Variants in ZNF8 observed in about 807,000 individuals in gnomAD.
The protein encoded by ZNF8 is zinc finger protein 272.
A neutral mutation model predicts 12.2 loss-of-function variants in ZNF8; 9 were observed. The ratio of observed to expected loss-of-function variants is 0.73; its 90% CI spans 0.44 to 1.28. The LOEUF (loss-of-function observed/expected upper bound fraction) is 1.28. Ranked by LOEUF, ZNF8 falls within the 50% of genes most tolerant of loss-of-function variation. ZNF8 has a pLI of 0.00. For synonymous variants in ZNF8, 274 were observed against 282.3 expected (o/e 0.97, Z 0.30); for missense variants, 664 against 729.1 (o/e 0.91, Z 1.03).
At chr19:58,282,300 A>G (rs2051355281) in intron 1 of ZNF8, among the ~76,000 whole-genome samples, 1 of 152,198 alleles carries the variant, frequency 6.6e-6, no homozygotes, top group Non-Finnish European at 1.5e-5. Flanking sequence ...CAAAGAAATA[A>G]CTATACAGAT....
chr19:58,293,007 G>A (rs1166805287), intron 3 of ZNF8, among the ~76,000 whole-genome samples: 1 of 151,566 alleles, frequency 6.6e-6, no homozygotes, highest in Non-Finnish European at 1.5e-5. Flanking sequence ...GGAGTGCAGT[G>A]GTGTGATTTT....
rs893834321 is a variant in ZNF8, at chr19:58,294,008, C to T, written c.290-90C>T. The T allele has an allele frequency of 8.0e-7, 1 of 1,248,338 alleles. No individual in the cohort carries two copies. The highest frequency in any genetic ancestry group is 1.5e-5 in the South Asian group (1 of 66,250). The allele number at this position is 1,248,338 out of a possible 1,614,324, so 77.3% of individuals were successfully genotyped here. A position where few individuals can be genotyped will look rare whatever the true frequency, so the allele number is the denominator to read the frequency against. On this transcript the variant is annotated intron_variant, in intron 3 of 3. Coordinates refer to ENST00000621650, the MANE Select transcript of ZNF8 (RefSeq NM_021089.3). The surrounding 1 kb of genome is among the most constrained non-coding windows in gnomAD (Gnocchi z 5.5). The stretch of plus-strand genomic sequence containing the variant: ...TTGCCAGGGCAGCTGGTTAGGACCC[C>T]ATTTCAATATCAGGCCTATGGTGTT...
At position 58,285,853 on chromosome 19, in the gene ZNF8, G is replaced by A; in HGVS notation, c.193+10G>A. ...CACCTGCTCTCCATAGGTAAGCCCT[G>A]CTTCGCAAGGTGTGATAGCTGATTC... On this transcript the variant is annotated intron_variant, in intron 2 of 3. Coordinates refer to ENST00000621650, the MANE Select transcript of ZNF8 (RefSeq NM_021089.3). 6.2e-7 allele frequency: 1 copy of A among 1,601,200 alleles called. No individual in the cohort carries two copies. The highest frequency in any genetic ancestry group is 1.7e-4 in the Middle Eastern group (1 of 5,976).
rs1393876808 is a variant in ZNF8 at position 58,300,356 on chromosome 19, A to G, written c.*4820A>G. On this transcript the variant is annotated 3_prime_UTR_variant, in exon 4 of 4. Transcript: ENST00000621650. ...CCATTGTGGTCATGAGGAGACTCCT[A>G]TGGCTCCAGCCATTGCATCCACAGT... 6.6e-6 allele frequency: 1 copy of G among 152,200 alleles called. No individual in the cohort carries two copies. Among genetic ancestry groups the G allele is most frequent in the African/African-American group, 2.4e-5 (1 of 41,422 alleles). The allele number at this position is 152,200 out of a possible 1,614,324, so 9.4% of individuals were successfully genotyped here. A position where few individuals can be genotyped will look rare whatever the true frequency, so the allele number is the denominator to read the frequency against.
At chr19:58,290,227 T>C (rs937748257) in intron 3 of ZNF8, among the ~76,000 whole-genome samples, 14 of 150,730 alleles carry the variant, frequency 9.3e-5, no homozygotes, top group South Asian at 2.1e-4. Flanking sequence ...CATTCTGCCT[T>C]AGCCTCCCGA....
chr19:58,279,449 C>T (rs944038633), intron 1 of ZNF8: 2 of 1,452,628 alleles, frequency 1.4e-6, no homozygotes, highest in Non-Finnish European at 1.8e-6. Context: ...TCTGCTCCGC[C>T]CCGCCGACAC....
chr19:58,292,148 G>A (rs907540934), intron 3 of ZNF8, among the ~76,000 whole-genome samples: 3 of 152,118 alleles, frequency 2.0e-5, no homozygotes, highest in Admixed American at 6.5e-5. Context: ...ACCACTCAGC[G>A]GTTTTGAGTA....
chr19:58,282,963 T>C (rs1187117756), intron 1 of ZNF8, among the ~76,000 whole-genome samples: 3 of 147,660 alleles, frequency 2.0e-5, no homozygotes, highest in Non-Finnish European at 4.4e-5. Context: ...TTTTATTTTA[T>C]TTCTTTTTTT....
chr19:58,290,535 T>A (rs1308238706), intron 3 of ZNF8, among the ~76,000 whole-genome samples: 1 of 150,372 alleles, frequency 6.7e-6, no homozygotes, highest in Non-Finnish European at 1.5e-5. Context: ...AGAGAGTAAA[T>A]TTTTTTTTTA....
chr19:58,279,961 C>T, intron 1 of ZNF8: 1 of 938,788 alleles, frequency 1.1e-6, no homozygotes, highest in Non-Finnish European at 1.4e-6. Flanking sequence ...ACTTGATAAT[C>T]TTAGGTTGCA....
rs2051382184 is a variant in ZNF8 at position 58,286,202 on chromosome 19, C to G, written c.286C>G (p.Pro96Ala). ...GAGAGGAACCACCCAGGGCTGCCAT[C>G]CAGGTGAGAACCCACTATGTGGGAG... ...AERGTTQGCHPAWEPRSESQA... is the reference protein window; with the variant it reads ...AERGTTQGCHAAWEPRSESQA... Residue 96 changes from proline (P) to alanine (A), a missense_variant, in exon 3 of 4, where the codon CCA becomes GCA. Physicochemically the swap from Pro to Ala is conservative, Grantham distance 27 (BLOSUM62 -1). This residue lies in a region of ZNF8 where 306 missense variants were observed against 308.7 expected (regional missense o/e 0.99). Coordinates refer to ENST00000621650, the MANE Select transcript of ZNF8 (RefSeq NM_021089.3). 1 of 1,572,390 alleles carries G rather than the reference C, an allele frequency of 6.4e-7. No homozygotes were observed. Among genetic ancestry groups the G allele is most frequent in the Non-Finnish European group, 8.6e-7 (1 of 1,160,318 alleles).
In ZNF8 at chr19:58,295,599, A is replaced by G; in HGVS notation, c.*63A>G. The G allele has an allele frequency of 7.4e-7, 1 of 1,354,370 alleles. No individual in the cohort carries two copies. The allele number at this position is 1,354,370 out of a possible 1,614,324, so 83.9% of individuals were successfully genotyped here. ...AAAATGTGGTAAGTCCACATAGTGT[A>G]CTCATGGAAGGAGGGGCTGGGGGTA... is the stretch of plus-strand genomic sequence containing the variant. On this transcript the variant is annotated 3_prime_UTR_variant, in exon 4 of 4. Transcript: ENST00000621650.
intron 1 of ZNF8, among the ~76,000 whole-genome samples, chr19:58,281,560 G>A (rs939384916): frequency 1.3e-5 from 2 of 152,094 alleles, no homozygotes; most frequent in African/African-American, 2.4e-5. Flanking sequence ...GTGGTGTCTA[G>A]GCTGTCACCA....
At chr19:58,285,939 C>T in intron 2 of ZNF8, 96 bp downstream of exon 2, 1 of 1,506,014 alleles carries the variant, frequency 6.6e-7, no homozygotes, top group Non-Finnish European at 9.0e-7. Context: ...TCCTCACTCC[C>T]TATGGGGAGT....
intron 1 of ZNF8, among the ~76,000 whole-genome samples, chr19:58,282,673 G>A (rs1219464288): frequency 1.3e-5 from 2 of 151,898 alleles, no homozygotes; most frequent in Admixed American, 1.3e-4. Flanking sequence ...TGTCGCCCAG[G>A]CTGGAGTGCA....
At position 58,278,989 on chromosome 19, in the gene ZNF8, C is replaced by T. The variant is rs2051319888; in HGVS notation, c.-93C>T. On this transcript the variant is annotated 5_prime_UTR_variant, in exon 1 of 4. Coordinates refer to ENST00000621650, the MANE Select transcript of ZNF8 (RefSeq NM_021089.3). Reference sequence around the variant, plus strand: ...GCGTCGCCGGTGCGGCCGCCATTGTCCGGCGTTCGGCGAGTCGGGTGGTCC... The same window carrying T: ...GCGTCGCCGGTGCGGCCGCCATTGTTCGGCGTTCGGCGAGTCGGGTGGTCC... 1.5e-6 allele frequency: 2 copies of T among 1,334,534 alleles called. No individual in the cohort carries two copies. Among genetic ancestry groups the T allele is most frequent in the Non-Finnish European group, 1.9e-6 (2 of 1,031,082 alleles). The allele number at this position is 1,334,534 out of a possible 1,614,324, so 82.7% of individuals were successfully genotyped here.
Position 58,296,706 on chromosome 19 carries a change from T to C in ZNF8, c.*1170T>C, listed in dbSNP as rs2051457820. ...AGCTGAGCCAGAGGTTCTTAACTGG[T>C]GGTGCTTTTGCCTCCAGGGCACATT... On this transcript the variant is annotated 3_prime_UTR_variant, in exon 4 of 4. Coordinates refer to ENST00000621650, the MANE Select transcript of ZNF8 (RefSeq NM_021089.3). The C allele has an allele frequency of 6.6e-6, 1 of 152,138 alleles. No homozygotes were observed. The highest frequency in any genetic ancestry group is 1.5e-5 in the Non-Finnish European group (1 of 68,096). 9.4% of individuals were successfully genotyped at this position (152,138 alleles called of 1,614,324 possible).
intron 1 of ZNF8, among the ~76,000 whole-genome samples, chr19:58,285,263 C>T (rs544983287): frequency 2.6e-5 from 4 of 152,226 alleles, no homozygotes; most frequent in South Asian, 2.1e-4. Flanking sequence ...ATTCTGCTGC[C>T]TCAGCTTCCC....
In ZNF8 at chr19:58,299,107, C is replaced by T. The variant is rs1386448196; in HGVS notation, c.*3571C>T. 1.4e-5 allele frequency: 2 copies of T among 147,456 alleles called. No homozygotes were observed. The highest frequency in any genetic ancestry group is 2.9e-5 in the Non-Finnish European group (2 of 68,062). The allele number at this position is 147,456 out of a possible 1,614,324, so 9.1% of individuals were successfully genotyped here. A position where few individuals can be genotyped will look rare whatever the true frequency, so the allele number is the denominator to read the frequency against. On this transcript the variant is annotated 3_prime_UTR_variant, in exon 4 of 4. Coordinates refer to ENST00000621650, the MANE Select transcript of ZNF8 (RefSeq NM_021089.3). ...ACAGGTGTGAGCCAATGCACCCTGC[C>T]AAACAGCAATTTTTTTTTTTTTTGA...
Sources: gnomAD v4.1 joint callset for allele counts (sites outside exome capture counted in the v4.1 genomes callset) on GRCh38, gnomAD v4.1.1 for gene constraint, gnomAD v4.1.1 regional missense constraint, Gnocchi (gnomAD v3.1) non-coding constraint, MANE v1.5 for transcripts, NCBI Gene and HGNC (gene_info 2026-07-23, HGNC 2026-07-21) for gene names.